Variants in KSR2 observed in about 807,000 individuals in gnomAD.
The protein encoded by KSR2 is kinase suppressor of ras 2.
In KSR2, 25 loss-of-function variants were observed where a neutral mutation model predicts 107.8. That is an observed-to-expected ratio of 0.23 (90% CI 0.17 to 0.32). The LOEUF is 0.32. Among genes scored for constraint, KSR2 ranks in the 10% least tolerant of loss-of-function variants. KSR2 has a pLI of 1.00. For missense variants in KSR2, 887 were observed against 1,268.9 expected (o/e 0.70, Z 4.57); for synonymous variants, 480 against 507.0 (o/e 0.95, Z 0.71).
In KSR2 at chr12:117,667,475, T is replaced by C. The variant is rs763036653; in HGVS notation, c.1170A>G (p.Ala390=). The C allele has an allele frequency of 2.5e-6, 4 of 1,609,750 alleles. No homozygotes were observed. The highest frequency in any genetic ancestry group is 3.4e-6 in the Non-Finnish European group (4 of 1,178,492). The change falls in exon 5 of 20, where the codon GCA becomes GCG. Residue 390 remains alanine (A), a splice_region_variant and synonymous_variant. Transcript: ENST00000339824. ...GTGCAGCCCGGCAGGGTGACTTACT[T>C]GCAGAGAAGTTGGCCTCAGTGTGAA... ...PPVHTEANFS[A]NTLSVPRWSP...
intron 14 of KSR2, among the ~76,000 whole-genome samples, chr12:117,518,954 T>C (rs1270684085): frequency 2.0e-5 from 3 of 152,230 alleles, no homozygotes; most frequent in Non-Finnish European, 2.9e-5. Context: ...ACTGTGGCCT[T>C]CACAGCACTT....
chr12:117,558,689 G>A (rs1209317006), intron 7 of KSR2, 116 bp from the exon 8 acceptor site: 2 of 746,954 alleles, frequency 2.7e-6, no homozygotes, highest in South Asian at 1.5e-5. Context: ...ATGGGTGAAT[G>A]GATGGGTAGA....
intron 15 of KSR2, 26 bp from the exon 16 acceptor site, chr12:117,484,575 T>C: frequency 6.2e-7 from 1 of 1,612,010 alleles, no homozygotes; most frequent in South Asian, 1.1e-5. Flanking sequence ...AACAGAGAGT[T>C]GCCAGAGAAA....
intron 14 of KSR2, among the ~76,000 whole-genome samples, chr12:117,504,707 C>A (rs1416154802): frequency 6.6e-6 from 1 of 152,158 alleles, no homozygotes; most frequent in Non-Finnish European, 1.5e-5. Context: ...GAGTCAAGAT[C>A]AGCCAGACTG....
intron 4 of KSR2, among the ~76,000 whole-genome samples, chr12:117,739,536 G>A (rs796564253): frequency 5.3e-5 from 8 of 152,194 alleles, no homozygotes; most frequent in East Asian, 1.9e-4. Context: ...AATTAGTGCC[G>A]GGCATATCAC....
chr12:117,793,998 GCACACACACCAACATGCA>G (rs1223015504), intron 3 of KSR2, among the ~76,000 whole-genome samples: 2 of 80,772 alleles, frequency 2.5e-5, no homozygotes, highest in African/African-American at 6.0e-5. Flanking sequence ...ACACCAACAT[GCACACACACCAACATGCA>G]CACTCACACC....
intron 4 of KSR2, among the ~76,000 whole-genome samples, chr12:117,707,777 T>A (rs1886585930): frequency 6.6e-6 from 1 of 152,138 alleles, no homozygotes; most frequent in Non-Finnish European, 1.5e-5. Context: ...CTATTTCAAC[T>A]GGTATTCTGA....
intron 3 of KSR2, among the ~76,000 whole-genome samples, chr12:117,804,434 T>C (rs1476038549): frequency 6.6e-6 from 1 of 152,204 alleles, no homozygotes; most frequent in Admixed American, 6.6e-5. Context: ...AAATCTTTAC[T>C]ACCTGGTCCT....
At chr12:117,956,145 G>A (rs964621716) in intron 1 of KSR2, among the ~76,000 whole-genome samples, 1 of 150,604 alleles carries the variant, frequency 6.6e-6, no homozygotes, top group Non-Finnish European at 1.5e-5. Flanking sequence ...AGCTACTCGG[G>A]AGGCTAAGGC....
chr12:117,531,916 C>T (rs1875664506), intron 10 of KSR2, among the ~76,000 whole-genome samples: 1 of 152,162 alleles, frequency 6.6e-6, no homozygotes, highest in Non-Finnish European at 1.5e-5. Flanking sequence ...TCCCATCTGA[C>T]ATCTCACACT....
intron 3 of KSR2, among the ~76,000 whole-genome samples, chr12:117,829,712 C>G (rs1016472011): frequency 6.6e-6 from 1 of 152,222 alleles, no homozygotes; most frequent in Non-Finnish European, 1.5e-5. Flanking sequence ...TCTGTTGCAA[C>G]TAATCAATTC....
At chr12:117,510,598 CG>C (rs1018596038) in intron 14 of KSR2, among the ~76,000 whole-genome samples, 124 of 152,304 alleles carry the variant, frequency 8.1e-4, no homozygotes, top group African/African-American at 3.0e-3. Flanking sequence ...TGCGACAGGC[CG>C]GGAGCAGTGG....
At chr12:117,585,719 C>G (rs964314647) in intron 5 of KSR2, among the ~76,000 whole-genome samples, 1 of 152,224 alleles carries the variant, frequency 6.6e-6, no homozygotes, top group Non-Finnish European at 1.5e-5. Context: ...TAAACCGATA[C>G]AGAAACTTCT....
chr12:117,753,263 A>G (rs7959854), intron 4 of KSR2, among the ~76,000 whole-genome samples: 39,206 of 152,022 alleles, frequency 0.26, 5,287 homozygotes, highest in Non-Finnish European at 0.31. Context: ...TGAAATTTTC[A>G]TAAGCGCAGA....
rs7955803 is a variant in KSR2 at position 117,555,259 on chromosome 12, C to T, written c.1428G>A (p.Pro476=). The T allele has an allele frequency of 0.26, 422,847 of 1,613,252 alleles. 56,747 individuals are homozygous for T. The highest frequency in any genetic ancestry group is 0.31 in the South Asian group (28,171 of 91,044). ...TCCGTAGAGGGTTGTTGATGTCACACGGAACGGACTCTGTCCGGACTAACC... is the reference window on the plus strand; with the variant it reads ...TCCGTAGAGGGTTGTTGATGTCACATGGAACGGACTCTGTCCGGACTAACC... ...PARLVRTESV[P]CDINNPLRKP... is the part of the protein sequence containing the mutation. The change falls in exon 9 of 20, where the codon CCG becomes CCA. Residue 476 remains proline (P), a synonymous_variant. Coordinates refer to ENST00000339824, the MANE Select transcript of KSR2 (RefSeq NM_173598.6).
chr12:117,693,487 G>T (rs1378485717), intron 4 of KSR2, among the ~76,000 whole-genome samples: 1 of 152,154 alleles, frequency 6.6e-6, no homozygotes, highest in Non-Finnish European at 1.5e-5. Flanking sequence ...CCACATCTCT[G>T]CTCAGGTCAC....
At chr12:117,697,229 A>C (rs1040751252) in intron 4 of KSR2, among the ~76,000 whole-genome samples, 3 of 152,204 alleles carry the variant, frequency 2.0e-5, no homozygotes, top group African/African-American at 7.2e-5. Context: ...TGCAAGTTTT[A>C]TTGTTAAAGT....
intron 5 of KSR2, among the ~76,000 whole-genome samples, chr12:117,653,632 A>G (rs927631909): frequency 6.6e-6 from 1 of 152,234 alleles, no homozygotes; most frequent in African/African-American, 2.4e-5. Flanking sequence ...CTTCTACCTC[A>G]GTAAAATTGC....
chr12:117,679,689 G>A (rs901484142), intron 4 of KSR2, among the ~76,000 whole-genome samples: 1 of 152,116 alleles, frequency 6.6e-6, no homozygotes, highest in Admixed American at 6.5e-5. Context: ...GCCCATCTGG[G>A]TGTGTAAAAC....
Sources: gnomAD v4.1 joint callset for allele counts (sites outside exome capture counted in the v4.1 genomes callset) on GRCh38, gnomAD v4.1.1 for gene constraint, MANE v1.5 for transcripts, NCBI Gene and HGNC (gene_info 2026-07-23, HGNC 2026-07-21) for gene names.